SHANK2: variants seen among roughly 807,000 people sequenced by gnomAD.
The protein encoded by SHANK2 is SH3 and multiple ankyrin repeat domains protein 2.
SHANK2 carries 43 observed loss-of-function variants against 133.7 expected under a neutral mutation model. The ratio of observed to expected loss-of-function variants is 0.32; its 90% confidence interval spans 0.25 to 0.41. The LOEUF (loss-of-function observed/expected upper bound fraction) is 0.41. Ranked by LOEUF, SHANK2 falls within the 10% of genes least tolerant of loss-of-function variation. The probability of loss-of-function intolerance (pLI) is 1.00; values close to 1 mark genes in which losing one functional copy is unlikely to be tolerated. For synonymous variants in SHANK2, 1,017 were observed against 952.8 expected (o/e 1.07, Z -1.24); for missense variants, 1,994 against 2,235.8 (o/e 0.89, Z 2.18).
chr11:70,661,482 G>A (rs2061487447), intron 16 of SHANK2, 114 bp downstream of exon 16: 1 of 1,102,368 alleles, frequency 9.1e-7, no homozygotes, highest in Non-Finnish European at 1.3e-6. Context: ...GCTGGGGAAC[G>A]TTTTTCATGC....
intron 15 of SHANK2, among the ~76,000 whole-genome samples, chr11:70,690,085 T>C (rs1945242757): frequency 6.6e-6 from 1 of 152,110 alleles, no homozygotes; most frequent in Non-Finnish European, 1.5e-5. Flanking sequence ...GCAACTCACG[T>C]ATCCACTAGC....
chr11:70,818,590 G>C (rs1288186968), intron 12 of SHANK2, among the ~76,000 whole-genome samples: 4 of 152,144 alleles, frequency 2.6e-5, no homozygotes, highest in African/African-American at 9.7e-5. Flanking sequence ...GGCTGCCTCG[G>C]GGGAGCCCTT....
chr11:70,696,905 C>T (rs1945403748), intron 15 of SHANK2, among the ~76,000 whole-genome samples: 1 of 152,182 alleles, frequency 6.6e-6, no homozygotes, highest in Non-Finnish European at 1.5e-5. Context: ...TGTGGTCCGT[C>T]CATACAATGA....
chr11:71,137,726 G>A (rs534152930), intron 3 of SHANK2, among the ~76,000 whole-genome samples: 16 of 152,252 alleles, frequency 1.1e-4, no homozygotes, highest in African/African-American at 3.4e-4. Flanking sequence ...AAATCCACCC[G>A]AGGGAAACAA....
chr11:71,163,931 G>C (rs1435721208), intron 2 of SHANK2, among the ~76,000 whole-genome samples: 2 of 152,306 alleles, frequency 1.3e-5, no homozygotes, highest in East Asian at 3.9e-4. Flanking sequence ...GCAGGTTTAG[G>C]TGTATAGGAA....
intron 3 of SHANK2, among the ~76,000 whole-genome samples, chr11:71,124,209 ATGATG>A (rs1952135449): frequency 1.4e-5 from 1 of 72,824 alleles, no homozygotes; most frequent in Non-Finnish European, 2.4e-5. Flanking sequence ...GATGGTGGTG[ATGATG>A]ATGGTGACAA....
At chr11:70,869,956 C>T (rs1791649645) in intron 11 of SHANK2, among the ~76,000 whole-genome samples, 1 of 152,176 alleles carries the variant, frequency 6.6e-6, no homozygotes, top group Non-Finnish European at 1.5e-5. Context: ...CACAAAAGTC[C>T]ACAAGAGTGT....
At chr11:70,933,178 C>T (rs781893331) in intron 10 of SHANK2, 40 of 456,510 alleles carry the variant, frequency 8.8e-5, no homozygotes, top group South Asian at 4.8e-4. Flanking sequence ...GAATATTATT[C>T]GGCCATGAAA....
At chr11:71,145,486 T>A (rs1350906857) in intron 3 of SHANK2, among the ~76,000 whole-genome samples, 3 of 152,168 alleles carry the variant, frequency 2.0e-5, no homozygotes, top group African/African-American at 7.2e-5. Flanking sequence ...TGTCAGCACG[T>A]TAGTCCCCTC....
chr11:71,092,503 A>G lies in SHANK2; in HGVS notation c.831T>C (p.Asp277=), dbSNP rs891658341. The G allele has an allele frequency of 1.9e-6, 3 of 1,551,596 alleles. No homozygotes were observed. The highest frequency in any genetic ancestry group is 1.7e-6 in the Non-Finnish European group (2 of 1,147,006). Residue 277 remains aspartate, a synonymous_variant, in exon 8 of 26, where the codon GAT becomes GAC. Transcript: ENST00000601538. The stretch of plus-strand genomic sequence containing the variant: ...GCAGGAGAAGCTCGCAGCAGTAGGG[A>G]TCACCTCCGACGATGGCTGTGTGAT... ...PLYHTAIVGG[D]PYCCELLLHE...
At chr11:71,121,447 G>T (rs112150090) in intron 3 of SHANK2, among the ~76,000 whole-genome samples, 2,256 of 152,290 alleles carry the variant, frequency 0.015, 56 homozygotes, top group African/African-American at 0.051. Flanking sequence ...CTTAAAAAGG[G>T]AGTAAATCTG....
At chr11:71,248,338 C>T (rs564518221) in intron 1 of SHANK2, among the ~76,000 whole-genome samples, 9 of 152,350 alleles carry the variant, frequency 5.9e-5, no homozygotes, top group South Asian at 2.1e-4. Flanking sequence ...ACCTGCTGAC[C>T]GCAGCGCGAT....
intron 17 of SHANK2, among the ~76,000 whole-genome samples, chr11:70,537,216 G>A (rs1359078790): frequency 6.6e-6 from 1 of 152,188 alleles, no homozygotes; most frequent in Non-Finnish European, 1.5e-5. Context: ...GAGAAGCGGA[G>A]GAGGGAAACC....
chr11:70,504,168 C>G (rs1591514042), intron 17 of SHANK2, among the ~76,000 whole-genome samples: 1 of 152,380 alleles, frequency 6.6e-6, no homozygotes, highest in East Asian at 1.9e-4. Flanking sequence ...TCACCAGCCA[C>G]ACTGTGCTGT....
chr11:70,839,577 C>G (rs547681958), intron 11 of SHANK2, among the ~76,000 whole-genome samples: 3 of 152,190 alleles, frequency 2.0e-5, no homozygotes, highest in African/African-American at 7.2e-5. Context: ...TTCCTTATAC[C>G]CCATCAGGAA....
intron 11 of SHANK2, among the ~76,000 whole-genome samples, chr11:70,868,002 G>C (rs1277805677): frequency 6.6e-6 from 1 of 152,212 alleles, no homozygotes; most frequent in South Asian, 2.1e-4. Flanking sequence ...CAAATAATTG[G>C]GTGGAATTAC....
At chr11:71,207,459 C>T (rs562224427) in intron 2 of SHANK2, among the ~76,000 whole-genome samples, 27 of 152,242 alleles carry the variant, frequency 1.8e-4, no homozygotes, top group African/African-American at 6.0e-4. Context: ...GGATTACAGG[C>T]GTGAGACATC....
chr11:71,218,875 G>A (rs1224703119), intron 2 of SHANK2, among the ~76,000 whole-genome samples: 1 of 152,206 alleles, frequency 6.6e-6, no homozygotes, highest in African/African-American at 2.4e-5. Flanking sequence ...TGGAGACTGT[G>A]CCTGAATGCC....
At chr11:70,914,742 T>G (rs992381337) in intron 10 of SHANK2, among the ~76,000 whole-genome samples, 2 of 118,768 alleles carry the variant, frequency 1.7e-5, no homozygotes, top group Non-Finnish European at 3.5e-5. Context: ...CAAAGTAAAA[T>G]TAGCCCAGCG....
Sources: allele counts gnomAD v4.1 joint callset (sites outside exome capture counted in the v4.1 genomes callset), GRCh38; gene constraint gnomAD v4.1.1; transcripts MANE v1.5; gene names NCBI Gene and HGNC (gene_info 2026-07-23, HGNC 2026-07-21).